KDR: variants seen among roughly 807,000 people sequenced by gnomAD.
KDR encodes the protein kinase insert domain receptor.
In KDR, 43 loss-of-function variants were observed where a neutral mutation model predicts 160.9. The observed-to-expected ratio is 0.27, with a 90% CI of 0.21 to 0.34. The LOEUF (loss-of-function observed/expected upper bound fraction) is 0.34, where lower values mean the gene tolerates loss of function less well. Ranked by LOEUF, KDR falls within the 10% of genes least tolerant of loss-of-function variation. KDR has a pLI of 1.00. For missense variants in KDR, 1,469 were observed against 1,666.4 expected (o/e 0.88, Z 2.06); for synonymous variants, 617 against 600.1 (o/e 1.03, Z -0.41).
At position 55,113,371 on chromosome 4, in the gene KDR, T is replaced by C; in HGVS notation, c.909A>G (p.Gly303=). The change falls in exon 7 of 30, where the codon GGA becomes GGG. Residue 303 remains glycine, a synonymous_variant. Transcript: ENST00000263923. Reference sequence around the variant, plus strand: ...CACTGGATGCTGCACAGGTGTACAATCCTTGGTCACTCCGGGTTACACCAT... The same window carrying C: ...CACTGGATGCTGCACAGGTGTACAACCCTTGGTCACTCCGGGTTACACCAT... ...TIDGVTRSDQ[G]LYTCAASSGL... The C allele has an allele frequency of 1.2e-6, 2 of 1,614,102 alleles. No homozygotes were observed. Among genetic ancestry groups the C allele is most frequent in the Non-Finnish European group, 1.7e-6 (2 of 1,179,980 alleles).
intron 6 of KDR, 151 bp from the exon 7 acceptor site, chr4:55,113,632 C>A (rs1171782069): frequency 4.4e-6 from 3 of 687,482 alleles, no homozygotes; most frequent in East Asian, 5.4e-5. Flanking sequence ...ATGCAGACAA[C>A]AAATATATTT....
intron 15 of KDR, among the ~76,000 whole-genome samples, chr4:55,099,859 T>C (rs1578132800): frequency 6.6e-6 from 1 of 151,558 alleles, no homozygotes; most frequent in African/African-American, 2.4e-5. Context: ...GTGGCAGGAG[T>C]CTGAGTGAGG....
chr4:55,095,525 A>T, intron 20 of KDR, 52 bp downstream of exon 20: 7 of 1,304,692 alleles, frequency 5.4e-6, no homozygotes, highest in Non-Finnish European at 7.8e-6. Context: ...TACCATTTTG[A>T]GTTTCCCTTC....
At chr4:55,101,802 T>A in intron 15 of KDR, 95 bp downstream of exon 15, 1 of 1,077,700 alleles carries the variant, frequency 9.3e-7, no homozygotes, top group Non-Finnish European at 1.4e-6. Context: ...TCCAGCTCCA[T>A]CCATGCAGCT....
intron 27 of KDR, among the ~76,000 whole-genome samples, chr4:55,084,434 G>C (rs1202954436): frequency 6.6e-6 from 1 of 152,174 alleles, no homozygotes; most frequent in Non-Finnish European, 1.5e-5. Context: ...GGCGAGTTTG[G>C]ACAATAATTC....
At chr4:55,084,281 C>T (rs1719805569) in intron 27 of KDR, among the ~76,000 whole-genome samples, 1 of 152,102 alleles carries the variant, frequency 6.6e-6, no homozygotes, top group African/African-American at 2.4e-5. Context: ...AAGAATAAGA[C>T]TAGAGGCATA....
At chr4:55,120,433 T>C (rs1017231531) in intron 2 of KDR, among the ~76,000 whole-genome samples, 1 of 151,780 alleles carries the variant, frequency 6.6e-6, no homozygotes, top group Non-Finnish European at 1.5e-5. Context: ...TTTAAAGGCC[T>C]CTTCTTCTTG....
At position 55,102,378 on chromosome 4, in the gene KDR, G is replaced by A. The variant is rs1052130478; in HGVS notation, c.2118C>T (p.Thr706=). The A allele has an allele frequency of 1.9e-6, 3 of 1,613,420 alleles. No homozygotes were observed. Among genetic ancestry groups the A allele is most frequent in the South Asian group, 1.1e-5 (1 of 91,074 alleles). Residue 706 remains threonine, a synonymous_variant, in exon 14 of 30, where the codon ACC becomes ACT. Transcript: ENST00000263923. The part of the protein sequence containing the change: ...PQIMWFKDNE[T]LVEDSGIVLK... ...TCTATTTACCTGAGTCTTCTACAAG[G>A]GTCTCATTATCTTTAAACCACATGA... is the stretch of plus-strand genomic sequence containing the variant.
intron 9 of KDR, 55 bp from the exon 10 acceptor site, chr4:55,107,948 A>G (rs911085014): frequency 5.0e-6 from 8 of 1,599,932 alleles, no homozygotes; most frequent in Non-Finnish European, 6.9e-6. Flanking sequence ...AGAATGGGAA[A>G]TAGAGGATTT....
At chr4:55,090,439 A>C (rs1719981537) in intron 22 of KDR, among the ~76,000 whole-genome samples, 2 of 152,174 alleles carry the variant, frequency 1.3e-5, no homozygotes, top group Non-Finnish European at 1.5e-5. Context: ...GAGGTCCGAG[A>C]ACGGGATTTG....
chr4:55,104,201 G>T (rs561898523), intron 13 of KDR, among the ~76,000 whole-genome samples: 1 of 152,246 alleles, frequency 6.6e-6, no homozygotes, highest in African/African-American at 2.4e-5. Flanking sequence ...GAGCAAAACA[G>T]AGAACAATTC....
chr4:55,082,067 C>G (rs1475661630), intron 28 of KDR, 26 bp from the exon 29 acceptor site: 1 of 1,452,522 alleles, frequency 6.9e-7, no homozygotes, highest in African/African-American at 1.4e-5. Flanking sequence ...TGAGATGGCA[C>G]AGTTAATTGA....
At chr4:55,109,519 G>A (rs1387022634) in intron 9 of KDR, among the ~76,000 whole-genome samples, 1 of 152,132 alleles carries the variant, frequency 6.6e-6, no homozygotes, top group Non-Finnish European at 1.5e-5. Context: ...ACCAGAAGGG[G>A]GAACAAAGAA....
At chr4:55,116,348 C>A (rs1720736204) in intron 3 of KDR, among the ~76,000 whole-genome samples, 1 of 143,386 alleles carries the variant, frequency 7.0e-6, no homozygotes, top group South Asian at 2.2e-4. Flanking sequence ...AACCGGGGGG[C>A]AGAAGTTGCA....
At chr4:55,092,016 T>C (rs1460689788) in intron 22 of KDR, among the ~76,000 whole-genome samples, 2 of 152,224 alleles carry the variant, frequency 1.3e-5, no homozygotes. Context: ...TACTTTTTGA[T>C]GGATGTTGAT....
chr4:55,098,425 T>C (rs1192948577), intron 16 of KDR, among the ~76,000 whole-genome samples, 153 bp from the exon 17 acceptor site: 1 of 152,172 alleles, frequency 6.6e-6, no homozygotes, highest in African/African-American at 2.4e-5. Context: ...ACCCTGCTTC[T>C]AGTTTCCCTT....
At chr4:55,107,975 C>T (rs1720485358) in intron 9 of KDR, 82 bp from the exon 10 acceptor site, 3 of 1,501,190 alleles carry the variant, frequency 2.0e-6, no homozygotes, top group Non-Finnish European at 2.8e-6. Flanking sequence ...CTAAAGCTGA[C>T]TTTCTTTAAG....
intron 1 of KDR, among the ~76,000 whole-genome samples, chr4:55,124,795 C>CG (rs1301179153): frequency 6.6e-6 from 1 of 152,180 alleles, no homozygotes; most frequent in Non-Finnish European, 1.5e-5. Flanking sequence ...CCGGGAGACC[C>CG]GGCCTGAGAT....
At chr4:55,088,794 A>G in intron 26 of KDR, 74 bp downstream of exon 26, 1 of 941,468 alleles carries the variant, frequency 1.1e-6, no homozygotes, top group Non-Finnish European at 1.7e-6. Flanking sequence ...TAGCCATGAG[A>G]CAGTTCAGGC....
Sources: gnomAD v4.1 joint callset for allele counts (sites outside exome capture counted in the v4.1 genomes callset) on GRCh38, gnomAD v4.1.1 for gene constraint, MANE v1.5 for transcripts, NCBI Gene and HGNC (gene_info 2026-07-23, HGNC 2026-07-21) for gene names.